Variants in TANC2 observed in about 807,000 individuals in gnomAD.
TANC2 encodes protein TANC2.
Under a neutral mutation model 210.5 loss-of-function variants are expected in TANC2, and 26 were observed. The observed-to-expected ratio is 0.12, with a 90% CI of 0.09 to 0.17. The LOEUF (loss-of-function observed/expected upper bound fraction) is 0.17, where lower values mean the gene tolerates loss of function less well. Ranked by LOEUF, TANC2 falls within the 10% of genes least tolerant of loss-of-function variation. The pLI is 1.00. For synonymous variants in TANC2, 931 were observed against 967.1 expected, an observed-to-expected ratio of 0.96 and a Z score of 0.69; for missense variants, 2,129 against 2,608.9, an observed-to-expected ratio of 0.82 and a Z score of 4.01.
chr17:63,110,242 A>C (rs2037984449), intron 4 of TANC2, among the ~76,000 whole-genome samples: 1 of 151,784 alleles, frequency 6.6e-6, no homozygotes, highest in Admixed American at 6.5e-5. Context: ...TTTCATGTTC[A>C]TGTCTTCCTG....
chr17:63,386,096 T>C (rs150362308), intron 15 of TANC2, among the ~76,000 whole-genome samples: 1 of 152,334 alleles, frequency 6.6e-6, no homozygotes, highest in African/African-American at 2.4e-5. Flanking sequence ...TATATCAACT[T>C]CTTGAGGCAT....
At chr17:63,371,116 C>T (rs1004343249) in intron 14 of TANC2, among the ~76,000 whole-genome samples, 6 of 152,166 alleles carry the variant, frequency 3.9e-5, no homozygotes, top group African/African-American at 1.4e-4. Flanking sequence ...TAAGAATTTT[C>T]TTGCCAGCTA....
chr17:63,138,257 G>C lies in TANC2; in HGVS notation c.323-13013G>C, dbSNP rs578160603. On this transcript the variant is annotated intron_variant, in intron 4 of 27. Coordinates refer to ENST00000689528, the Ensembl canonical transcript of TANC2. ...TAGAAAGAAGCTTCCTACTGAATAC[G>C]CATATTGAATGAGAAATCTATTGTA... 1.4e-4 allele frequency among the ~76,000 whole-genome samples: 21 copies of C among 152,244 alleles called. No homozygotes were observed. In the South Asian group the frequency reaches 4.4e-3, roughly 32 times the overall value.
chr17:63,124,333 G>A (rs1441066685), intron 4 of TANC2, among the ~76,000 whole-genome samples: 1 of 152,106 alleles, frequency 6.6e-6, no homozygotes, highest in Non-Finnish European at 1.5e-5. Flanking sequence ...ATAAGGAGCA[G>A]TATGAAAGAT....
At chr17:63,305,768 C>G (rs924710157) in intron 9 of TANC2, among the ~76,000 whole-genome samples, 5 of 152,160 alleles carry the variant, frequency 3.3e-5, no homozygotes, top group African/African-American at 9.7e-5. Flanking sequence ...TGAAAATTAA[C>G]CTTGACTGTA....
chr17:62,985,071 T>C (rs1163056542), intron 1 of TANC2, among the ~76,000 whole-genome samples: 1 of 152,234 alleles, frequency 6.6e-6, no homozygotes, highest in Non-Finnish European at 1.5e-5. Context: ...ATCAGTCTAA[T>C]GTTGATAAAT....
rs553366431 is a variant in TANC2, at chr17:63,282,450, G to T, written c.1159+14577G>T. ...ACAAGGTGAAATAAAATATCTCAGGGTCTCTATTTCCTTTGAGAAATTGAA... is the reference window on the plus strand; with the variant it reads ...ACAAGGTGAAATAAAATATCTCAGGTTCTCTATTTCCTTTGAGAAATTGAA... On this transcript the variant is annotated intron_variant, in intron 9 of 27. Coordinates refer to ENST00000689528, the Ensembl canonical transcript of TANC2. Among the ~76,000 whole-genome samples, 3 of 152,090 alleles carry T rather than the reference G, an allele frequency of 2.0e-5. No homozygotes were observed. In the South Asian group the frequency reaches 6.2e-4, roughly 32 times the overall value.
intron 7 of TANC2, 66 bp downstream of exon 7, chr17:63,201,023 T>A (rs2041515163): frequency 7.1e-7 from 1 of 1,406,436 alleles, no homozygotes; most frequent in Non-Finnish European, 9.6e-7. Flanking sequence ...TTACACAAGC[T>A]TAAGGTTTTT....
At chr17:63,129,137 G>A (rs549950409) in intron 4 of TANC2, among the ~76,000 whole-genome samples, 1 of 152,180 alleles carries the variant, frequency 6.6e-6, no homozygotes, top group South Asian at 2.1e-4. Context: ...TGGGACTACA[G>A]ATGCTACACC....
intron 1 of TANC2, among the ~76,000 whole-genome samples, chr17:63,009,132 C>T (rs1048456023): frequency 4.0e-5 from 6 of 151,664 alleles, no homozygotes; most frequent in Non-Finnish European, 8.8e-5. Flanking sequence ...ACTTTTATTA[C>T]TTTTTAATTT....
chr17:63,234,815 A>G (rs1430733109), intron 7 of TANC2, among the ~76,000 whole-genome samples: 2 of 152,174 alleles, frequency 1.3e-5, no homozygotes. Context: ...TGTTAGCTAT[A>G]TAAGTGGGCA....
chr17:63,341,025 C>A (rs552400061), intron 12 of TANC2, among the ~76,000 whole-genome samples: 1 of 152,136 alleles, frequency 6.6e-6, no homozygotes, highest in Non-Finnish European at 1.5e-5. Flanking sequence ...GTCTTCCTGC[C>A]CCATACTCTT....
chr17:63,247,915 G>A (rs1247386056), intron 8 of TANC2, among the ~76,000 whole-genome samples: 1 of 152,050 alleles, frequency 6.6e-6, no homozygotes, highest in Non-Finnish European at 1.5e-5. Context: ...TGGAAACCAT[G>A]GTTTCAGGAT....
intron 2 of TANC2, among the ~76,000 whole-genome samples, chr17:63,018,739 G>T (rs962196708): frequency 2.0e-5 from 3 of 152,060 alleles, no homozygotes; most frequent in Non-Finnish European, 2.9e-5. Flanking sequence ...GTTAACCCCT[G>T]ATAATAACTG....
In TANC2 at chr17:63,369,958, A is replaced by G. The variant is rs554870209; in HGVS notation, c.2583-9760A>G. On this transcript the variant is annotated intron_variant, in intron 14 of 27. Coordinates refer to ENST00000689528, the Ensembl canonical transcript of TANC2. ...CCTTCCCTACACAAAAAAAAGACCA[A>G]GCGCTTTTGAGTATCACCAAAATGT... 2.6e-5 allele frequency among the ~76,000 whole-genome samples: 4 copies of G among 152,046 alleles called. No individual in the cohort carries two copies. The East Asian group carries it at 7.8e-4, about 30-fold the overall frequency.
At chr17:63,013,278 A>G (rs2033954521) in intron 2 of TANC2, among the ~76,000 whole-genome samples, 1 of 151,982 alleles carries the variant, frequency 6.6e-6, no homozygotes, top group Admixed American at 6.6e-5. Flanking sequence ...TCTAGGGTGC[A>G]GTTATTTTCT....
rs547180481 is a variant in TANC2 at position 63,194,300 on chromosome 17, C to G, written c.582+161C>G. Among the ~76,000 whole-genome samples the G allele has an allele frequency of 2.4e-4, 36 of 152,236 alleles. No homozygotes were observed. The East Asian group carries it at 6.9e-3, about 29-fold the overall frequency. On this transcript the variant is annotated intron_variant, in intron 6 of 27. Transcript: ENST00000689528. ...TTATGAATAATCTTTTAGCTTTAGTCTTAGATTTAACAACCCAAAAAGCCA... is the reference window on the plus strand; with the variant it reads ...TTATGAATAATCTTTTAGCTTTAGTGTTAGATTTAACAACCCAAAAAGCCA...
At chr17:63,290,878 A>G (rs2044362793) in intron 9 of TANC2, among the ~76,000 whole-genome samples, 1 of 152,176 alleles carries the variant, frequency 6.6e-6, no homozygotes, top group South Asian at 2.1e-4. Context: ...TATTGTACTT[A>G]CAATAATGAA....
rs754208246 is a variant in TANC2, at chr17:63,418,825, T to C, written c.4268+418T>C. The stretch of plus-strand genomic sequence containing the variant: ...TCACAGGTTCCTCTTCCTTCTCCCA[T>C]AGGCGTTTGAGGAATCCCGGATTAG... On this transcript the variant is annotated intron_variant, in intron 27 of 27. Coordinates refer to ENST00000689528, the Ensembl canonical transcript of TANC2. This position sits in a 1 kb window ranked among gnomAD's most constrained non-coding sequence, Gnocchi z 4.6. Among the ~76,000 whole-genome samples, 12 of 152,158 alleles carry C rather than the reference T, an allele frequency of 7.9e-5. No homozygotes were observed. The highest frequency in any genetic ancestry group is 1.6e-4 in the Non-Finnish European group (11 of 68,030).
Sources: gnomAD v4.1 joint callset for allele counts (sites outside exome capture counted in the v4.1 genomes callset) on GRCh38, gnomAD v4.1.1 for gene constraint, Gnocchi (gnomAD v3.1) non-coding constraint, MANE v1.5 for transcripts, NCBI Gene and HGNC (gene_info 2026-07-23, HGNC 2026-07-21) for gene names.